SKIC3: variants seen among roughly 807,000 people sequenced by gnomAD.
SKIC3 encodes the protein superkiller complex protein 3.
the SKIC3 span, among the ~76,000 whole-genome samples, chr5:95,544,209 A>G: frequency 6.6e-6 from 1 of 152,172 alleles, no homozygotes; most frequent in African/African-American, 2.4e-5. Context: ...AGGGAGCACC[A>G]GGGGGAAAAG....
chr5:95,529,211 T>G, the SKIC3 span: 2 of 888,412 alleles, frequency 2.3e-6, no homozygotes, highest in Admixed American at 2.0e-5. Flanking sequence ...ATCTCTCATA[T>G]CTCATCAGTC....
At chr5:95,523,807 T>C in the SKIC3 span, 1 of 1,613,366 alleles carries the variant, frequency 6.2e-7, no homozygotes, top group African/African-American at 1.3e-5. Flanking sequence ...CAGAAAACTT[T>C]GCCCATATAT....
At chr5:95,473,540 T>C in the SKIC3 span, among the ~76,000 whole-genome samples, 2 of 152,198 alleles carry the variant, frequency 1.3e-5, no homozygotes, top group African/African-American at 2.4e-5. Context: ...CCTCCCAAAG[T>C]GCTGGGATTA....
At chr5:95,492,592 C>G in the SKIC3 span, among the ~76,000 whole-genome samples, 27,502 of 95,646 alleles carry the variant, frequency 0.29, 4,374 homozygotes, top group Non-Finnish European at 0.38. Context: ...AGCCGAGATC[C>G]CGCCACTGCA....
At chr5:95,502,787 T>C in the SKIC3 span, 1 of 1,560,338 alleles carries the variant, frequency 6.4e-7, no homozygotes. Flanking sequence ...ACCCAAAAGT[T>C]CCTAAAACAT....
chr5:95,466,781 G>A, the SKIC3 span, among the ~76,000 whole-genome samples: 1 of 152,196 alleles, frequency 6.6e-6, no homozygotes, highest in South Asian at 2.1e-4. Flanking sequence ...AAAAAGAAAA[G>A]GAATGAATAA....
At chr5:95,508,728 A>G in the SKIC3 span, among the ~76,000 whole-genome samples, 1 of 152,224 alleles carries the variant, frequency 6.6e-6, no homozygotes, top group African/African-American at 2.4e-5. Context: ...CAGCCACAGA[A>G]CACATGCTCC....
At chr5:95,506,530 T>C in the SKIC3 span, among the ~76,000 whole-genome samples, 1 of 152,116 alleles carries the variant, frequency 6.6e-6, no homozygotes, top group Non-Finnish European at 1.5e-5. Context: ...TCATTCCCCA[T>C]CCCCAAAAGG....
At chr5:95,470,028 G>C in the SKIC3 span, 19 of 1,218,920 alleles carry the variant, frequency 1.6e-5, no homozygotes, top group Non-Finnish European at 2.1e-5. Flanking sequence ...CCAGCCTGGA[G>C]TGCAGTGGCG....
chr5:95,552,921 T>G, the SKIC3 span, among the ~76,000 whole-genome samples: 1 of 152,044 alleles, frequency 6.6e-6, no homozygotes, highest in African/African-American at 2.4e-5. Flanking sequence ...AGATTATCCA[T>G]GTAAAAGTGA....
chr5:95,532,390 G>A, the SKIC3 span, among the ~76,000 whole-genome samples: 1 of 152,142 alleles, frequency 6.6e-6, no homozygotes, highest in East Asian at 1.9e-4. Flanking sequence ...GTTCATGTTC[G>A]GCCCTGGGTA....
chr5:95,515,015 C>G, the SKIC3 span: 1 of 1,247,458 alleles, frequency 8.0e-7, no homozygotes, highest in Non-Finnish European at 1.1e-6. Context: ...AGTCAAACCT[C>G]TCATCATAAA....
the SKIC3 span, chr5:95,491,136 T>A: frequency 1.3e-6 from 2 of 1,483,332 alleles, no homozygotes; most frequent in Non-Finnish European, 9.1e-7. Context: ...TAAAAAAAAA[T>A]TGTATCTAAA....
chr5:95,489,289 C>CT, the SKIC3 span, among the ~76,000 whole-genome samples: 2 of 151,052 alleles, frequency 1.3e-5, no homozygotes. Flanking sequence ...AAAAAAACAA[C>CT]TAAAATAATG....
At chr5:95,491,054 A>G in the SKIC3 span, 1 of 1,613,704 alleles carries the variant, frequency 6.2e-7, no homozygotes, top group Non-Finnish European at 8.5e-7. Context: ...CAGGAAATAC[A>G]CAGTGATAAG....
chr5:95,517,012 A>G, the SKIC3 span: 2 of 1,613,676 alleles, frequency 1.2e-6, no homozygotes, highest in East Asian at 4.5e-5. Context: ...TTCCAAGGTC[A>G]CACCATGTAT....
the SKIC3 span, among the ~76,000 whole-genome samples, chr5:95,544,500 C>T: frequency 6.6e-6 from 1 of 152,150 alleles, no homozygotes; most frequent in Non-Finnish European, 1.5e-5. Context: ...ACCACTTAGC[C>T]TGTGTGTGTA....
At chr5:95,512,374 A>T in the SKIC3 span, 1 of 1,377,690 alleles carries the variant, frequency 7.3e-7, no homozygotes. Flanking sequence ...TTCATGTCTT[A>T]AAGAATACCA....
the SKIC3 span, chr5:95,516,354 T>C: frequency 6.2e-7 from 1 of 1,612,968 alleles, no homozygotes; most frequent in Non-Finnish European, 8.5e-7. Context: ...CATATTTACC[T>C]CAATGTTTTC....
Sources: allele counts gnomAD v4.1 joint callset (sites outside exome capture counted in the v4.1 genomes callset), GRCh38; gene constraint gnomAD v4.1.1; transcripts MANE v1.5; gene names NCBI Gene and HGNC (gene_info 2026-07-23, HGNC 2026-07-21).